TMEM131L: variants seen among roughly 807,000 people sequenced by gnomAD.
TMEM131L encodes the protein transmembrane protein 131-like.
In TMEM131L, 54 loss-of-function variants were observed where a neutral mutation model predicts 192.2. The observed-to-expected ratio is 0.28, with a 90% confidence interval of 0.23 to 0.35. TMEM131L has a LOEUF of 0.35. Ranked by LOEUF, TMEM131L falls within the 10% of genes least tolerant of loss-of-function variation. The probability of loss-of-function intolerance (pLI) is 1.00; values close to 1 mark genes in which losing one functional copy is unlikely to be tolerated. For synonymous variants in TMEM131L, 701 were observed against 704.9 expected, an observed-to-expected ratio of 0.99 and a Z score of 0.09; for missense variants, 1,888 against 1,972.9, an observed-to-expected ratio of 0.96 and a Z score of 0.82.
intron 3 of TMEM131L, 56 bp downstream of exon 3, chr4:153,473,944 G>A: frequency 1.6e-6 from 2 of 1,273,522 alleles, no homozygotes; most frequent in Non-Finnish European, 1.1e-6. Context: ...CCCACTTTGG[G>A]TGCTCTCTGA....
chr4:153,622,919 A>G lies in TMEM131L; in HGVS notation c.3881A>G (p.Glu1294Gly). 1 of 1,614,236 alleles carries G rather than the reference A, an allele frequency of 6.2e-7. No homozygotes were observed. The highest frequency in any genetic ancestry group is 8.5e-7 in the Non-Finnish European group (1 of 1,180,046). ...REAEGYYQKP[E>G]KKCVDKFCSD... Reference sequence around the variant, plus strand: ...CCAGAAGGTTACTACCAGAAGCCTGAGAAGAAATGTGTGGACAAGTTCTGC... The same window carrying G: ...CCAGAAGGTTACTACCAGAAGCCTGGGAAGAAATGTGTGGACAAGTTCTGC... The change falls in exon 29 of 35, where the codon GAG (glutamate) becomes GGG (glycine). Residue 1294 changes from glutamate to glycine, a missense_variant. By Grantham distance (98) the Glu-to-Gly change is moderately conservative. Transcript: ENST00000409959.
At chr4:153,527,268 T>G (rs1305995818) in intron 3 of TMEM131L, among the ~76,000 whole-genome samples, 1 of 86,264 alleles carries the variant, frequency 1.2e-5, no homozygotes, top group Non-Finnish European at 2.6e-5. Flanking sequence ...AAATCTTCAG[T>G]TTTTTTTCTT....
chr4:153,626,431 T>C (rs1733848324), intron 30 of TMEM131L, among the ~76,000 whole-genome samples: 1 of 152,196 alleles, frequency 6.6e-6, no homozygotes, highest in African/African-American at 2.4e-5. Context: ...ATCGCTATTT[T>C]TTTTCAGACA....
intron 3 of TMEM131L, among the ~76,000 whole-genome samples, chr4:153,497,545 G>A (rs1183555513): frequency 6.6e-6 from 1 of 152,228 alleles, no homozygotes; most frequent in African/African-American, 2.4e-5. Flanking sequence ...TACCAGGAGA[G>A]TTATATTGAT....
intron 26 of TMEM131L, among the ~76,000 whole-genome samples, chr4:153,617,431 G>C (rs575550937): frequency 6.6e-6 from 1 of 152,192 alleles, no homozygotes; most frequent in African/African-American, 2.4e-5. Context: ...GTAACAATTT[G>C]TTCACATGTC....
intron 3 of TMEM131L, among the ~76,000 whole-genome samples, chr4:153,486,207 A>G (rs1432924371): frequency 6.6e-6 from 1 of 152,224 alleles, no homozygotes; most frequent in Non-Finnish European, 1.5e-5. Context: ...TCCTTCAGTA[A>G]TATTTTACTG....
At chr4:153,613,862 C>G (rs779170433) in intron 26 of TMEM131L, among the ~76,000 whole-genome samples, 1 of 152,016 alleles carries the variant, frequency 6.6e-6, no homozygotes, top group Admixed American at 6.6e-5. Context: ...AACTTTATAA[C>G]AAGCATGAGT....
At chr4:153,563,790 C>T (rs531959431) in intron 7 of TMEM131L, among the ~76,000 whole-genome samples, 4 of 152,066 alleles carry the variant, frequency 2.6e-5, no homozygotes, top group South Asian at 4.2e-4. Context: ...TTGTGTGCAG[C>T]GTTGTGATAT....
chr4:153,633,984 C>T (rs574658049), intron 32 of TMEM131L, among the ~76,000 whole-genome samples: 1 of 152,306 alleles, frequency 6.6e-6, no homozygotes, highest in African/African-American at 2.4e-5. Context: ...TGCTCCTAGT[C>T]CAGCCGTCCA....
At chr4:153,575,315 T>C (rs977577121) in intron 7 of TMEM131L, among the ~76,000 whole-genome samples, 7 of 152,206 alleles carry the variant, frequency 4.6e-5, no homozygotes, top group Non-Finnish European at 1.5e-5. Context: ...TTCATACTTC[T>C]TCACCACAAA....
intron 31 of TMEM131L, among the ~76,000 whole-genome samples, chr4:153,631,284 G>T (rs1288845450): frequency 6.6e-6 from 1 of 152,206 alleles, no homozygotes; most frequent in East Asian, 1.9e-4. Context: ...TTCACTTCAG[G>T]TGCAGAGTGG....
At chr4:153,471,809 C>T (rs191043818) in intron 2 of TMEM131L, among the ~76,000 whole-genome samples, 4 of 152,248 alleles carry the variant, frequency 2.6e-5, no homozygotes, top group East Asian at 1.9e-4. Flanking sequence ...ACCTTTGGGG[C>T]GGGCCCAGTT....
At chr4:153,572,781 T>C (rs1561203256) in intron 7 of TMEM131L, among the ~76,000 whole-genome samples, 1 of 152,344 alleles carries the variant, frequency 6.6e-6, no homozygotes, top group East Asian at 1.9e-4. Context: ...ATTCACAGTG[T>C]TGTACAGTCA....
chr4:153,627,578 G>T, intron 30 of TMEM131L, 27 bp from the exon 31 acceptor site: 1 of 1,581,432 alleles, frequency 6.3e-7, no homozygotes, highest in South Asian at 1.1e-5. Flanking sequence ...AAAATGAGTC[G>T]TTCCTCCTTT....
Position 153,533,213 on chromosome 4 carries a change from G to A in TMEM131L, c.240-16860G>A, listed in dbSNP as rs574481958. On this transcript the variant is annotated intron_variant, in intron 3 of 34. Transcript: ENST00000409959. ...TTGGTCAGGCTGGTCTCGAACTCCC[G>A]ACCTCACTTTATCCACCCGCCTTGG... 2.0e-4 allele frequency among the ~76,000 whole-genome samples: 30 copies of A among 152,202 alleles called. No individual in the cohort carries two copies. In the South Asian group the frequency reaches 4.1e-3, roughly 21 times the overall value.
intron 4 of TMEM131L, among the ~76,000 whole-genome samples, chr4:153,552,637 C>T (rs1035171335): frequency 1.1e-4 from 16 of 151,966 alleles, no homozygotes; most frequent in African/African-American, 3.4e-4. Context: ...TCAAGACCAG[C>T]CTGCGCAACA....
chr4:153,469,331 A>ACACACACACC lies in TMEM131L; in HGVS notation c.195+2059_195+2060insCCACACACAC, dbSNP rs1730991287. Among the ~76,000 whole-genome samples, 6 of 152,070 alleles carry ACACACACACC rather than the reference A, an allele frequency of 3.9e-5. No homozygotes were observed. In the South Asian group the frequency reaches 1.2e-3, roughly 32 times the overall value. On this transcript the variant is annotated intron_variant, in intron 2 of 34. Transcript: ENST00000409959. Reference sequence around the variant, plus strand: ...GTAAGGGAGACACACACACACACACACACACACACGTGTGTATGTGTGTGT... The same window carrying ACACACACACC: ...GTAAGGGAGACACACACACACACACACACACACACCCACACACACGTGTGTATGTGTGTGT...
intron 29 of TMEM131L, among the ~76,000 whole-genome samples, chr4:153,625,021 T>C (rs1733734112): frequency 6.6e-6 from 1 of 152,236 alleles, no homozygotes; most frequent in Admixed American, 6.5e-5. Context: ...GTTGTCTTAA[T>C]GGCCCCGCAT....
At chr4:153,626,074 T>G in intron 29 of TMEM131L, 73 bp from the exon 30 acceptor site, 4 of 877,384 alleles carry the variant, frequency 4.6e-6, no homozygotes, top group Non-Finnish European at 7.6e-6. Flanking sequence ...TAATAACCTA[T>G]GCATTTTAAT....
Sources: gnomAD v4.1 joint callset for allele counts (sites outside exome capture counted in the v4.1 genomes callset) on GRCh38, gnomAD v4.1.1 for gene constraint, MANE v1.5 for transcripts, NCBI Gene and HGNC (gene_info 2026-07-23, HGNC 2026-07-21) for gene names.